The following RAB1A variants were observed in gnomAD, a reference collection of about 807,000 sequenced individuals.
RAB1A encodes the protein RAB1A, member RAS oncogene family.
RAB1A carries 2 observed loss-of-function variants against 26.0 expected under a neutral mutation model. The observed-to-expected ratio is 0.08, with a 90% confidence interval of 0.03 to 0.24. The LOEUF (loss-of-function observed/expected upper bound fraction) is 0.24. RAB1A is among the 10% of genes least tolerant of loss of function. RAB1A has a pLI of 1.00. For synonymous variants in RAB1A, 84 were observed against 84.9 expected (o/e 0.99, Z 0.06); for missense variants, 100 against 247.0 (o/e 0.40, Z 3.99).
At chr2:65,092,688 A>G (rs1354051408) in intron 3 of RAB1A, among the ~76,000 whole-genome samples, 1 of 152,250 alleles carries the variant, frequency 6.6e-6, no homozygotes, top group Non-Finnish European at 1.5e-5. Context: ...TATGTTGCCC[A>G]GGCAGATCTT....
At chr2:65,127,408 T>G (rs1194039499) in intron 1 of RAB1A, among the ~76,000 whole-genome samples, 1 of 152,184 alleles carries the variant, frequency 6.6e-6, no homozygotes, top group Non-Finnish European at 1.5e-5. Flanking sequence ...CATCTGGAAT[T>G]TGCTATATCT....
chr2:65,109,855 A>G (rs1466413291), intron 1 of RAB1A, among the ~76,000 whole-genome samples: 1 of 152,092 alleles, frequency 6.6e-6, no homozygotes, highest in African/African-American at 2.4e-5. Flanking sequence ...CTATAACCTC[A>G]TATTTTCTAC....
chr2:65,123,774 C>A (rs923386174), intron 1 of RAB1A, among the ~76,000 whole-genome samples: 1 of 151,328 alleles, frequency 6.6e-6, no homozygotes, highest in Non-Finnish European at 1.5e-5. Context: ...TGCAGTGAGC[C>A]GAGATCACGC....
intron 5 of RAB1A, 118 bp downstream of exon 5, chr2:65,088,821 A>T: frequency 1.5e-6 from 2 of 1,325,604 alleles, no homozygotes; most frequent in Non-Finnish European, 2.1e-6. Context: ...ACAAATTGTC[A>T]CTGTCACAGT....
At chr2:65,111,786 G>A (rs1009319334) in intron 1 of RAB1A, among the ~76,000 whole-genome samples, 2 of 152,096 alleles carry the variant, frequency 1.3e-5, no homozygotes, top group African/African-American at 4.8e-5. Context: ...TTTTTATAAA[G>A]GTTAAAAAAT....
At position 65,129,678 on chromosome 2, in the gene RAB1A, G is replaced by C. The variant is rs1001881989; in HGVS notation, c.23+215C>G. Among the ~76,000 whole-genome samples the C allele has an allele frequency of 2.0e-5, 3 of 151,460 alleles. No homozygotes were observed. In the East Asian group the frequency reaches 5.8e-4, roughly 29 times the overall value. The stretch of plus-strand genomic sequence containing the variant: ...CTCTAACCTGACCCGGTCCAGGCCC[G>C]GGCGGCTCACCCCTCCGGCCCGACC... On this transcript the variant is annotated intron_variant, in intron 1 of 5. Coordinates refer to ENST00000409784, the MANE Select transcript of RAB1A (RefSeq NM_004161.5).
intron 4 of RAB1A, among the ~76,000 whole-genome samples, chr2:65,089,806 G>A (rs1201791105): frequency 1.3e-5 from 2 of 151,290 alleles, no homozygotes; most frequent in African/African-American, 4.9e-5. Flanking sequence ...GGGTTCAAGC[G>A]ATTCTCCTGT....
chr2:65,108,270 G>A (rs1480426396), intron 1 of RAB1A, among the ~76,000 whole-genome samples: 2 of 150,146 alleles, frequency 1.3e-5, no homozygotes, highest in Non-Finnish European at 3.0e-5. Flanking sequence ...GCTGAGGCAG[G>A]AGAATTGCTT....
At chr2:65,094,908 T>C (rs779906673) in intron 3 of RAB1A, among the ~76,000 whole-genome samples, 14 of 152,102 alleles carry the variant, frequency 9.2e-5, no homozygotes, top group Non-Finnish European at 1.8e-4. Context: ...AGAAGAAAGG[T>C]TGTGATAAGA....
intron 1 of RAB1A, among the ~76,000 whole-genome samples, chr2:65,118,094 C>T (rs1386669234): frequency 6.6e-6 from 1 of 152,168 alleles, no homozygotes; most frequent in Non-Finnish European, 1.5e-5. Context: ...ATAATGTACA[C>T]ACACAAACTT....
In RAB1A at chr2:65,103,304, A is replaced by AAAAAAC. The variant is rs1553392776; in HGVS notation, c.96+1429_96+1430insGTTTTT. ...AACACAGCCAGAATCTGTCTCAAAAAAAAAAAAAAACATTGTTTTATGTGA... is the reference window on the plus strand; with the variant it reads ...AACACAGCCAGAATCTGTCTCAAAAAAAAAACAAAAAAAAAACATTGTTTTATGTGA... On this transcript the variant is annotated intron_variant, in intron 2 of 5. Transcript: ENST00000409784. 4.0e-4 allele frequency among the ~76,000 whole-genome samples: 45 copies of AAAAAAC among 112,534 alleles called. 3 individuals are homozygous for AAAAAAC. In the East Asian group the frequency reaches 0.011, roughly 27 times the overall value. The allele number at this position is 112,534 out of a possible 152,430, so 73.8% of individuals were successfully genotyped here.
rs58993413 is a variant in RAB1A, at chr2:65,089,702, A to ATTTTTTTTTTTTTT, written c.289-646_289-633dup. On this transcript the variant is annotated intron_variant, in intron 4 of 5. Coordinates refer to ENST00000409784, the MANE Select transcript of RAB1A (RefSeq NM_004161.5). ...AAAACCTGGTTTTGAAATTTGATTA[A>ATTTTTTTTTTTTTT]TTTTTTTTTTTTTTTTTTGAGACAA... Among the ~76,000 whole-genome samples the ATTTTTTTTTTTTTT allele has an allele frequency of 2.0e-3, 278 of 141,876 alleles. 6 individuals are homozygous for ATTTTTTTTTTTTTT. In the East Asian group the frequency reaches 0.021, roughly 11 times the overall value. The allele number at this position is 141,876 out of a possible 152,430, so 93.1% of individuals were successfully genotyped here.
intron 1 of RAB1A, among the ~76,000 whole-genome samples, chr2:65,121,276 C>T (rs941542693): frequency 5.3e-5 from 8 of 150,484 alleles, no homozygotes; most frequent in African/African-American, 1.7e-4. Flanking sequence ...TGGCTGGCAC[C>T]GAGTAAGTGC....
intron 3 of RAB1A, among the ~76,000 whole-genome samples, chr2:65,092,908 G>A (rs993479252): frequency 2.0e-5 from 3 of 152,142 alleles, no homozygotes; most frequent in African/African-American, 7.2e-5. Flanking sequence ...AAGATCTGAT[G>A]GTCTCATAAG....
intron 1 of RAB1A, among the ~76,000 whole-genome samples, chr2:65,107,343 G>C (rs908332863): frequency 1.3e-5 from 2 of 152,042 alleles, no homozygotes; most frequent in Non-Finnish European, 2.9e-5. Context: ...GGGAGTACAG[G>C]CATGAGCCAC....
rs1451192246 is a variant in RAB1A at position 65,129,954 on chromosome 2, T to G, written c.-39A>C. 6.4e-7 allele frequency: 1 copy of G among 1,574,120 alleles called. No individual in the cohort carries two copies. Among genetic ancestry groups the G allele is most frequent in the South Asian group, 1.2e-5 (1 of 85,922 alleles). On this transcript the variant is annotated 5_prime_UTR_variant, in exon 1 of 6. Coordinates refer to ENST00000409784, the MANE Select transcript of RAB1A (RefSeq NM_004161.5). ...CCGCCGCCGCCACCGCCGCCCTTGC[T>G]GCCGCAGCCGCCGCCCTGACTCTCC... is the stretch of plus-strand genomic sequence containing the variant.
chr2:65,113,103 T>C (rs1365967472), intron 1 of RAB1A, among the ~76,000 whole-genome samples: 1 of 152,124 alleles, frequency 6.6e-6, no homozygotes, highest in Non-Finnish European at 1.5e-5. Flanking sequence ...TTGCTAACAT[T>C]AGAATTGTCT....
At position 65,110,711 on chromosome 2, in the gene RAB1A, A is replaced by G. The variant is rs2103860020; in HGVS notation, c.24-5905T>C. 2.6e-5 allele frequency among the ~76,000 whole-genome samples: 4 copies of G among 152,030 alleles called. No homozygotes were observed. The East Asian group carries it at 7.8e-4, about 30-fold the overall frequency. The stretch of plus-strand genomic sequence containing the variant: ...CTACTTGTAAGGCTGAGGTAGAAGG[A>G]TCACATGAGGCCAGAAGTTCAAGAC... On this transcript the variant is annotated intron_variant, in intron 1 of 5. Transcript: ENST00000409784.
chr2:65,125,425 T>A (rs2103887801), intron 1 of RAB1A, among the ~76,000 whole-genome samples: 1 of 142,352 alleles, frequency 7.0e-6, no homozygotes, highest in East Asian at 2.0e-4. Flanking sequence ...ATTTCTTTCT[T>A]TTTTTTTTTT....
Sources: gnomAD v4.1 joint callset for allele counts (sites outside exome capture counted in the v4.1 genomes callset) on GRCh38, gnomAD v4.1.1 for gene constraint, MANE v1.5 for transcripts, NCBI Gene and HGNC (gene_info 2026-07-23, HGNC 2026-07-21) for gene names.